RMDN1: variants seen among roughly 807,000 people sequenced by gnomAD.
The protein encoded by RMDN1 is regulator of microtubule dynamics protein 1.
A neutral mutation model predicts 48.9 loss-of-function variants in RMDN1; 48 were observed. The ratio of observed to expected loss-of-function variants is 0.98; its 90% CI spans 0.78 to 1.25. The LOEUF is 1.25. Among genes scored for constraint, RMDN1 ranks in the 50% most tolerant of loss-of-function variants. The pLI is 0.00. For synonymous variants in RMDN1, 148 were observed against 132.6 expected, an observed-to-expected ratio of 1.12 and a Z score of -0.80; for missense variants, 418 against 373.4, an observed-to-expected ratio of 1.12 and a Z score of -0.98.
chr8:86,508,511 CA>C lies in RMDN1; in HGVS notation c.109del (p.Cys37ValfsTer8), dbSNP rs766214249. 1.1e-5 allele frequency: 17 copies of C among 1,559,482 alleles called. No homozygotes were observed. The highest frequency in any genetic ancestry group is 1.3e-5 in the Non-Finnish European group (15 of 1,154,014). Reference protein sequence around the residue: ...TSGSRGHCGPCRFRGFEVMGN... With the variant: ...TSGSRGHCGPXRFRGFEVMGN... ...GGGTACCTCGAAGCCGCGGAATCGA[CA>C]GGGGCCGCAATGCCCGCGGCTGCCC... On this transcript the variant is annotated frameshift_variant, in exon 1 of 10. Coordinates refer to ENST00000406452, the MANE Select transcript of RMDN1 (RefSeq NM_016033.3). LOFTEE classifies it high-confidence loss of function.
chr8:86,474,264 G>A lies in RMDN1; in HGVS notation c.*44C>T. 6.2e-7 allele frequency: 1 copy of A among 1,609,066 alleles called. No individual in the cohort carries two copies. Among genetic ancestry groups the A allele is most frequent in the Non-Finnish European group, 8.5e-7 (1 of 1,178,102 alleles). On this transcript the variant is annotated 3_prime_UTR_variant, in exon 10 of 10. Transcript: ENST00000406452. ...TATTAAGTTTAGAATTAAAAGAAAAGGCAATGTTTATTAGCTATTTCATAA... is the reference window on the plus strand; with the variant it reads ...TATTAAGTTTAGAATTAAAAGAAAAAGCAATGTTTATTAGCTATTTCATAA...
chr8:86,511,332 G>A (rs556189092), upstream of RMDN1, among the ~76,000 whole-genome samples: 73 of 151,878 alleles, frequency 4.8e-4, 1 homozygote, highest in African/African-American at 1.6e-3. Flanking sequence ...AAATTAGCCG[G>A]GTGTGGTGGC....
upstream of RMDN1, chr8:86,508,841 C>T (rs1162602488): frequency 5.6e-6 from 7 of 1,254,112 alleles, no homozygotes; most frequent in Non-Finnish European, 7.0e-6. Context: ...ATGGACTTTC[C>T]GCGCCTGCGT....
At chr8:86,498,473 C>G (rs541881100) in intron 2 of RMDN1, among the ~76,000 whole-genome samples, 2 of 151,996 alleles carry the variant, frequency 1.3e-5, no homozygotes, top group African/African-American at 4.8e-5. Flanking sequence ...AACTTCAGGT[C>G]ATTAACTCAG....
upstream of RMDN1, among the ~76,000 whole-genome samples, chr8:86,513,596 A>T (rs1820161105): frequency 6.6e-6 from 1 of 152,180 alleles, no homozygotes; most frequent in Non-Finnish European, 1.5e-5. Context: ...AGGTTAGTTT[A>T]CTTACAATTT....
chr8:86,478,323 G>A (rs946976827), intron 7 of RMDN1: 1 of 151,976 alleles, frequency 6.6e-6, no homozygotes, highest in African/African-American at 2.4e-5. Context: ...AGAAAAAAAA[G>A]CTCCTTGTTA....
chr8:86,473,621 C>A lies in RMDN1; in HGVS notation c.*687G>T, dbSNP rs1029699796. 1 of 376,090 alleles carries A rather than the reference C, an allele frequency of 2.7e-6. No individual in the cohort carries two copies. The highest frequency in any genetic ancestry group is 2.2e-5 in the African/African-American group (1 of 45,566). 23.3% of individuals were successfully genotyped at this position (376,090 alleles called of 1,614,324 possible). On this transcript the variant is annotated 3_prime_UTR_variant, in exon 10 of 10. Transcript: ENST00000406452. The stretch of plus-strand genomic sequence containing the variant: ...TCTCTACCAAAAATACAAAAGTTAG[C>A]CGAGTGTGGTGGTACAACCCTGTAA...
At chr8:86,503,808 C>T (rs1329412942) in intron 2 of RMDN1, 6 of 528,722 alleles carry the variant, frequency 1.1e-5, no homozygotes, top group African/African-American at 5.7e-5. Flanking sequence ...ATGACTGGCT[C>T]CTTTTCCGTT....
chr8:86,489,616 C>A (rs544621081), intron 2 of RMDN1, among the ~76,000 whole-genome samples: 1 of 151,970 alleles, frequency 6.6e-6, no homozygotes, highest in Admixed American at 6.6e-5. Flanking sequence ...AGGACCACCA[C>A]GTCAGGAGAT....
At chr8:86,471,615 A>T (rs1027531856), downstream of RMDN1, among the ~76,000 whole-genome samples, 1 of 152,222 alleles carries the variant, frequency 6.6e-6, no homozygotes, top group South Asian at 2.1e-4. Flanking sequence ...AGGCAATTAT[A>T]AAGTATCTAA....
At chr8:86,498,877 T>C (rs1179883003) in intron 2 of RMDN1, among the ~76,000 whole-genome samples, 1 of 150,604 alleles carries the variant, frequency 6.6e-6, no homozygotes, top group South Asian at 2.1e-4. Flanking sequence ...ACCACAAAAG[T>C]AGGCTTTATT....
Position 86,472,528 on chromosome 8 carries a change from C to T in RMDN1, c.*1780G>A, listed in dbSNP as rs1460981176. On this transcript the variant is annotated 3_prime_UTR_variant, in exon 10 of 10. Transcript: ENST00000406452. ...ACAATAACCTTTTAAAATACAGCATCATTAAGTGGGAAACTGAAAGCCTGC... is the reference window on the plus strand; with the variant it reads ...ACAATAACCTTTTAAAATACAGCATTATTAAGTGGGAAACTGAAAGCCTGC... 1 of 697,610 alleles carries T rather than the reference C, an allele frequency of 1.4e-6. No individual in the cohort carries two copies. The highest frequency in any genetic ancestry group is 2.6e-6 in the Non-Finnish European group (1 of 383,848). The allele number at this position is 697,610 out of a possible 1,614,324, so 43.2% of individuals were successfully genotyped here.
chr8:86,472,450 G>A lies in RMDN1; in HGVS notation c.*1858C>T, dbSNP rs1020811604. ...ACATCCCTAGAAAGACCCACTTCCT[G>A]GCCCTTCAGCTGCTTCTGTTTCTCT... On this transcript the variant is annotated 3_prime_UTR_variant, in exon 10 of 10. Coordinates refer to ENST00000406452, the MANE Select transcript of RMDN1 (RefSeq NM_016033.3). The A allele has an allele frequency of 1.4e-6, 1 of 702,428 alleles. No individual in the cohort carries two copies. Among genetic ancestry groups the A allele is most frequent in the Non-Finnish European group, 2.6e-6 (1 of 384,978 alleles). The allele number at this position is 702,428 out of a possible 1,614,324, so 43.5% of individuals were successfully genotyped here. A position where few individuals can be genotyped will look rare whatever the true frequency, so the allele number is the denominator to read the frequency against.
downstream of RMDN1, chr8:86,472,254 T>C (rs1812668783): frequency 1.7e-6 from 1 of 596,972 alleles, no homozygotes; most frequent in Middle Eastern, 3.9e-4. Flanking sequence ...AAACCTGAAA[T>C]TCGTGCTCCA....
intron 2 of RMDN1, among the ~76,000 whole-genome samples, chr8:86,492,679 TAATAATAATAAA>T (rs760489033): frequency 8.6e-6 from 1 of 115,616 alleles, no homozygotes; most frequent in Non-Finnish European, 2.1e-5. Context: ...ATAATAATAA[TAATAATAATAAA>T]GAGATAATGA....
At chr8:86,483,863 T>C (rs1814999424) in intron 5 of RMDN1, among the ~76,000 whole-genome samples, 1 of 150,532 alleles carries the variant, frequency 6.6e-6, no homozygotes, top group South Asian at 2.1e-4. Flanking sequence ...AGTTCATCCA[T>C]GTTAAGAAAT....
At position 86,473,537 on chromosome 8, in the gene RMDN1, G is replaced by A. The variant is rs565738490; in HGVS notation, c.*771C>T. On this transcript the variant is annotated 3_prime_UTR_variant, in exon 10 of 10. Transcript: ENST00000406452. The stretch of plus-strand genomic sequence containing the variant: ...TCCCAGCAATTTGGGAGGCCAAGGC[G>A]GGCAGATCACTTGAGGCCAGGAGTT... The A allele has an allele frequency of 2.4e-5, 20 of 836,240 alleles. No individual in the cohort carries two copies. The highest frequency in any genetic ancestry group is 5.5e-5 in the South Asian group (1 of 18,252). 51.8% of individuals were successfully genotyped at this position (836,240 alleles called of 1,614,324 possible). A position where few individuals can be genotyped will look rare whatever the true frequency, so the allele number is the denominator to read the frequency against.
intron 2 of RMDN1, among the ~76,000 whole-genome samples, chr8:86,491,933 T>C (rs1395994349): frequency 3.3e-5 from 5 of 152,112 alleles, no homozygotes; most frequent in Non-Finnish European, 2.9e-5. Context: ...AAGTAGAAAA[T>C]CTGAATATCT....
intron 4 of RMDN1, 128 bp downstream of exon 4, chr8:86,486,354 TAA>T: frequency 5.8e-6 from 3 of 515,484 alleles, no homozygotes; most frequent in Non-Finnish European, 9.3e-6. Context: ...CCTTAAGATA[TAA>T]GATTGAATAA....
Sources: gnomAD v4.1 joint callset for allele counts (sites outside exome capture counted in the v4.1 genomes callset) on GRCh38, gnomAD v4.1.1 for gene constraint, MANE v1.5 for transcripts, NCBI Gene and HGNC (gene_info 2026-07-23, HGNC 2026-07-21) for gene names.